The following DNER variants were observed in gnomAD, a reference collection of about 807,000 sequenced individuals.
The protein encoded by DNER is delta and Notch-like epidermal growth factor-related receptor.
Under a neutral mutation model 78.2 loss-of-function variants are expected in DNER, and 33 were observed. That is an observed-to-expected ratio of 0.42 (90% confidence interval 0.32 to 0.56). The LOEUF (loss-of-function observed/expected upper bound fraction) is 0.56, where lower values mean the gene tolerates loss of function less well. DNER is among the 20% of genes least tolerant of loss of function. The pLI, the probability that DNER is intolerant of heterozygous loss-of-function variation, is 0.11. For synonymous variants in DNER, 417 were observed against 384.8 expected, an observed-to-expected ratio of 1.08 and a Z score of -0.98; for missense variants, 918 against 975.3, an observed-to-expected ratio of 0.94 and a Z score of 0.78.
chr2:229,702,543 AATAATG>A (rs557612054), intron 1 of DNER, among the ~76,000 whole-genome samples: 138 of 152,116 alleles, frequency 9.1e-4, no homozygotes, highest in African/African-American at 3.2e-3. Flanking sequence ...CACCGAAAAT[AATAATG>A]ATGATGATGA....
rs1052311271 is a variant in DNER, at chr2:229,477,380, C to T, written c.1148-127G>A. On this transcript the variant is annotated intron_variant, in intron 6 of 12. Transcript: ENST00000341772. ...GCAGTGGCAGCCTTCAGCTAAGCTG[C>T]TCCTAGATCTCATTTATTTTTACAA... 1.1e-5 allele frequency: 6 copies of T among 549,330 alleles called. No individual in the cohort carries two copies. In the South Asian group the frequency reaches 1.4e-4, roughly 13 times the overall value. 34.0% of individuals were successfully genotyped at this position (549,330 alleles called of 1,614,324 possible).
Position 229,631,442 on chromosome 2 carries a change from T to A in DNER, c.277-39554A>T, listed in dbSNP as rs140855393. Among the ~76,000 whole-genome samples, 916 of 152,306 alleles carry A rather than the reference T, an allele frequency of 6.0e-3. 10 individuals carry two copies. The highest frequency in any genetic ancestry group is 0.021 in the African/African-American group (867 of 41,578). The stretch of plus-strand genomic sequence containing the variant: ...TCTGAGCTCCCCTCCAGCTTCTTCT[T>A]AAAATATAGAAAGAAGATGTCTGGA... On this transcript the variant is annotated intron_variant, in intron 1 of 12. Transcript: ENST00000341772.
intron 4 of DNER, among the ~76,000 whole-genome samples, chr2:229,547,906 T>A (rs1208291653): frequency 1.3e-5 from 2 of 152,238 alleles, no homozygotes; most frequent in Non-Finnish European, 2.9e-5. Flanking sequence ...ATAAATATTA[T>A]AAGTATTTTT....
At chr2:229,631,955 C>G (rs1032344542) in intron 1 of DNER, among the ~76,000 whole-genome samples, 1 of 152,198 alleles carries the variant, frequency 6.6e-6, no homozygotes, top group Non-Finnish European at 1.5e-5. Context: ...TATGGTCACT[C>G]TTATTACTAA....
chr2:229,639,990 C>T (rs182847448), intron 1 of DNER, among the ~76,000 whole-genome samples: 3 of 152,172 alleles, frequency 2.0e-5, no homozygotes, highest in African/African-American at 7.2e-5. Flanking sequence ...TATGAAGGAG[C>T]CCTTGAAGAA....
At chr2:229,598,759 C>T (rs763373942) in intron 1 of DNER, among the ~76,000 whole-genome samples, 1 of 152,090 alleles carries the variant, frequency 6.6e-6, no homozygotes, top group Non-Finnish European at 1.5e-5. Context: ...ATGGAGCCAG[C>T]TGAGCAAGCA....
chr2:229,397,337 G>A (rs1326164968), intron 10 of DNER, among the ~76,000 whole-genome samples: 1 of 151,808 alleles, frequency 6.6e-6, no homozygotes, highest in East Asian at 1.9e-4. Flanking sequence ...ACCCGGAAAT[G>A]TCAAAAGATG....
intron 1 of DNER, among the ~76,000 whole-genome samples, chr2:229,670,091 T>G (rs957506898): frequency 6.6e-6 from 1 of 152,216 alleles, no homozygotes; most frequent in Non-Finnish European, 1.5e-5. Context: ...GTTCTGGAAC[T>G]GCTGTTGCAG....
At position 229,511,398 on chromosome 2, in the gene DNER, T is replaced by C. The variant is rs114105234; in HGVS notation, c.1147+1385A>G. On this transcript the variant is annotated intron_variant, in intron 6 of 12. Coordinates refer to ENST00000341772, the MANE Select transcript of DNER (RefSeq NM_139072.4). ...TGCTCCTGAAGGGTTTGTAACCAAGTTGGCTGAGCAGTAAGTCAATTAAGA... is the reference window on the plus strand; with the variant it reads ...TGCTCCTGAAGGGTTTGTAACCAAGCTGGCTGAGCAGTAAGTCAATTAAGA... 7.5e-3 allele frequency among the ~76,000 whole-genome samples: 1,143 copies of C among 152,328 alleles called. 17 individuals carry two copies. Among genetic ancestry groups the C allele is most frequent in the African/African-American group, 0.026 (1,093 of 41,586 alleles).
At chr2:229,621,507 C>G (rs1236107712) in intron 1 of DNER, among the ~76,000 whole-genome samples, 1 of 152,128 alleles carries the variant, frequency 6.6e-6, no homozygotes, top group East Asian at 1.9e-4. Context: ...CACCTGCTCC[C>G]AACAGGAGGA....
intron 6 of DNER, among the ~76,000 whole-genome samples, chr2:229,487,851 C>A (rs772956134): frequency 1.3e-5 from 2 of 152,176 alleles, no homozygotes; most frequent in Admixed American, 6.5e-5. Flanking sequence ...GGAGAATGGT[C>A]CCAAGGCAGG....
chr2:229,593,675 G>C (rs1395473954), intron 1 of DNER, among the ~76,000 whole-genome samples: 1 of 152,222 alleles, frequency 6.6e-6, no homozygotes. Flanking sequence ...ATGTGAACTT[G>C]TTGAGTCACA....
intron 6 of DNER, among the ~76,000 whole-genome samples, chr2:229,511,676 TC>T (rs1472336591): frequency 6.6e-6 from 1 of 152,220 alleles, no homozygotes. Flanking sequence ...GGGTTTTTCT[TC>T]AGTTACTTAA....
chr2:229,683,091 A>G (rs998375674), intron 1 of DNER, among the ~76,000 whole-genome samples: 7 of 152,262 alleles, frequency 4.6e-5, no homozygotes, highest in African/African-American at 1.7e-4. Flanking sequence ...AGGTAAACAA[A>G]TTAATAAAAA....
At chr2:229,486,079 T>A (rs950692111) in intron 6 of DNER, among the ~76,000 whole-genome samples, 4 of 152,182 alleles carry the variant, frequency 2.6e-5, no homozygotes, top group African/African-American at 9.7e-5. Flanking sequence ...GCCTCAGCCG[T>A]GTCTGCTAAG....
At chr2:229,519,426 T>C (rs1438106370) in intron 5 of DNER, among the ~76,000 whole-genome samples, 1 of 152,148 alleles carries the variant, frequency 6.6e-6, no homozygotes. Context: ...GTGACATCAG[T>C]ATCAACATAA....
At chr2:229,610,804 A>G (rs917689220) in intron 1 of DNER, among the ~76,000 whole-genome samples, 3 of 152,252 alleles carry the variant, frequency 2.0e-5, no homozygotes, top group African/African-American at 7.2e-5. Context: ...TCAAATGCCA[A>G]TATGGCAATG....
At chr2:229,361,485 A>G (rs1162007773) in intron 12 of DNER, among the ~76,000 whole-genome samples, 2 of 152,290 alleles carry the variant, frequency 1.3e-5, no homozygotes, top group East Asian at 1.9e-4. Context: ...AGTCAAGCCT[A>G]TTCACACTTC....
chr2:229,614,658 G>C (rs1698118937), intron 1 of DNER, among the ~76,000 whole-genome samples: 6 of 152,194 alleles, frequency 3.9e-5, no homozygotes, highest in Admixed American at 2.6e-4. Context: ...ACAGAATGAG[G>C]CAAAGAACAG....
Sources: allele counts gnomAD v4.1 joint callset (sites outside exome capture counted in the v4.1 genomes callset), GRCh38; gene constraint gnomAD v4.1.1; transcripts MANE v1.5; gene names NCBI Gene and HGNC (gene_info 2026-07-23, HGNC 2026-07-21).